Variants in PITPNC1 observed in about 807,000 individuals in gnomAD.
PITPNC1 encodes cytoplasmic phosphatidylinositol transfer protein 1.
PITPNC1 carries 18 observed loss-of-function variants against 44.7 expected under a neutral mutation model. That is an observed-to-expected ratio of 0.40 (90% CI 0.28 to 0.60). The LOEUF (loss-of-function observed/expected upper bound fraction) is 0.60, where lower values mean the gene tolerates loss of function less well. PITPNC1 is among the 20% of genes least tolerant of loss of function. PITPNC1 has a pLI of 0.39. For missense variants in PITPNC1, 290 were observed against 418.4 expected (o/e 0.69, Z 2.68); for synonymous variants, 141 against 149.6 (o/e 0.94, Z 0.42).
chr17:67,632,545 A>G (rs112225824), intron 6 of PITPNC1: 3,099 of 308,206 alleles, frequency 0.01, 96 homozygotes, highest in African/African-American at 0.061. Context: ...CTGAAAAACA[A>G]CAGTCTCCCC....
At chr17:67,657,354 A>C (rs76420131) in intron 6 of PITPNC1, among the ~76,000 whole-genome samples, 13,180 of 152,236 alleles carry the variant, frequency 0.087, 588 homozygotes, top group Middle Eastern at 0.17. Context: ...ACAGCTGTAG[A>C]TATGACACCA....
intron 1 of PITPNC1, among the ~76,000 whole-genome samples, chr17:67,414,648 C>T (rs1377013962): frequency 6.6e-6 from 1 of 152,052 alleles, no homozygotes; most frequent in Non-Finnish European, 1.5e-5. Context: ...GAGTAGTGGC[C>T]ATATGGTGTG....
chr17:67,462,745 C>T (rs2039359410), intron 1 of PITPNC1, among the ~76,000 whole-genome samples: 2 of 141,536 alleles, frequency 1.4e-5, no homozygotes, highest in Non-Finnish European at 1.5e-5. Flanking sequence ...TCTTGTTGCC[C>T]AGGCTGGAGT....
intron 1 of PITPNC1, among the ~76,000 whole-genome samples, chr17:67,406,499 A>C (rs2038403340): frequency 6.6e-6 from 1 of 152,174 alleles, no homozygotes; most frequent in Admixed American, 6.5e-5. Context: ...TCTTTTGCTT[A>C]GCATAATGTT....
At chr17:67,440,828 G>C (rs1024848330) in intron 1 of PITPNC1, among the ~76,000 whole-genome samples, 1 of 151,942 alleles carries the variant, frequency 6.6e-6, no homozygotes, top group African/African-American at 2.4e-5. Context: ...GATTACAGAC[G>C]TGAGCCATCA....
Position 67,472,510 on chromosome 17 carries a change from G to T in PITPNC1, c.49-60292G>T, listed in dbSNP as rs535778862. 6.0e-3 allele frequency among the ~76,000 whole-genome samples: 909 copies of T among 151,714 alleles called. 8 individuals are homozygous for T. Among genetic ancestry groups the T allele is most frequent in the Non-Finnish European group, 7.1e-3 (481 of 67,916 alleles). On this transcript the variant is annotated intron_variant, in intron 1 of 8. Coordinates refer to ENST00000581322, the MANE Select transcript of PITPNC1 (RefSeq NM_012417.4). ...AAAATAGAAAAAATTAGCCGGGCGTGGTGGTGGGCGCCTGTAGTCCCAGCT... is the reference window on the plus strand; with the variant it reads ...AAAATAGAAAAAATTAGCCGGGCGTTGTGGTGGGCGCCTGTAGTCCCAGCT...
In PITPNC1 at chr17:67,514,582, T is replaced by C. The variant is rs562225246; in HGVS notation, c.49-18220T>C. Among the ~76,000 whole-genome samples, 8 of 149,316 alleles carry C rather than the reference T, an allele frequency of 5.4e-5. No homozygotes were observed. The South Asian group carries it at 1.7e-3, about 33-fold the overall frequency. ...GCTTATGCCTGTAATCCCAGCACTT[T>C]GGGAGGCTGAGGCAGACAGATCACC... On this transcript the variant is annotated intron_variant, in intron 1 of 8. Coordinates refer to ENST00000581322, the MANE Select transcript of PITPNC1 (RefSeq NM_012417.4).
intron 1 of PITPNC1, among the ~76,000 whole-genome samples, chr17:67,473,013 C>T (rs1004939608): frequency 1.3e-5 from 2 of 151,234 alleles, no homozygotes; most frequent in Non-Finnish European, 2.9e-5. Context: ...GTAGCTGGGA[C>T]TACAGGTGCG....
intron 1 of PITPNC1, among the ~76,000 whole-genome samples, chr17:67,381,468 CTTTT>C (rs1180701616): frequency 2.2e-5 from 3 of 135,636 alleles, no homozygotes; most frequent in Admixed American, 1.5e-4. Context: ...GTTTCTCTCT[CTTTT>C]TTTTTTTTTT....
intron 6 of PITPNC1, among the ~76,000 whole-genome samples, chr17:67,651,521 A>T (rs557925127): frequency 3.3e-5 from 5 of 150,088 alleles, no homozygotes; most frequent in Non-Finnish European, 7.4e-5. Flanking sequence ...TAAAAAAAAA[A>T]CCCAAAAAAA....
intron 1 of PITPNC1, among the ~76,000 whole-genome samples, chr17:67,430,209 A>C (rs1487354662): frequency 6.6e-6 from 1 of 152,200 alleles, no homozygotes; most frequent in African/African-American, 2.4e-5. Flanking sequence ...CTGTGATTTT[A>C]AAAACTTAGA....
chr17:67,596,915 A>C (rs1459595214), intron 5 of PITPNC1, among the ~76,000 whole-genome samples: 1 of 151,048 alleles, frequency 6.6e-6, no homozygotes, highest in Non-Finnish European at 1.5e-5. Context: ...TCTTTTTGAG[A>C]CAGAGTCTTC....
chr17:67,511,002 T>C (rs1223591348), intron 1 of PITPNC1, among the ~76,000 whole-genome samples: 1 of 152,176 alleles, frequency 6.6e-6, no homozygotes, highest in East Asian at 1.9e-4. Flanking sequence ...TCTTAGGTAA[T>C]TGCCATTAAC....
At chr17:67,421,697 C>T (rs1295667793) in intron 1 of PITPNC1, among the ~76,000 whole-genome samples, 1 of 152,180 alleles carries the variant, frequency 6.6e-6, no homozygotes, top group Non-Finnish European at 1.5e-5. Flanking sequence ...TGGCTGTTCT[C>T]ACATCCAATT....
At chr17:67,446,243 CCTT>C (rs2039092612) in intron 1 of PITPNC1, among the ~76,000 whole-genome samples, 1 of 151,908 alleles carries the variant, frequency 6.6e-6, no homozygotes, top group Non-Finnish European at 1.5e-5. Flanking sequence ...CCACACCCAG[CCTT>C]CTTTGACTGA....
chr17:67,457,560 T>G (rs2039273251), intron 1 of PITPNC1: 1 of 152,408 alleles, frequency 6.6e-6, no homozygotes. Flanking sequence ...CTAATTTTTT[T>G]TGTATTTTTA....
intron 8 of PITPNC1, among the ~76,000 whole-genome samples, chr17:67,678,721 G>A (rs1050119217): frequency 6.6e-6 from 1 of 152,164 alleles, no homozygotes; most frequent in Non-Finnish European, 1.5e-5. Flanking sequence ...GTAATTCTGG[G>A]AACTGTGGGC....
In PITPNC1 at chr17:67,412,755, G is replaced by A. The variant is rs557801761; in HGVS notation, c.48+34553G>A. Among the ~76,000 whole-genome samples the A allele has an allele frequency of 2.0e-5, 3 of 152,090 alleles. No homozygotes were observed. The South Asian group carries it at 6.2e-4, about 32-fold the overall frequency. On this transcript the variant is annotated intron_variant, in intron 1 of 8. Transcript: ENST00000581322. ...CTAATTTAGTATTTTTATTAGAGGC[G>A]GGGTTTCTCCATGTTGTCCAAGCTG...
intron 1 of PITPNC1, among the ~76,000 whole-genome samples, chr17:67,498,893 A>G (rs1320618469): frequency 2.3e-5 from 3 of 131,670 alleles, no homozygotes; most frequent in East Asian, 2.2e-4. Flanking sequence ...TTTTTTTGAG[A>G]TGGAGTCTTG....
Sources: gnomAD v4.1 joint callset for allele counts (sites outside exome capture counted in the v4.1 genomes callset) on GRCh38, gnomAD v4.1.1 for gene constraint, MANE v1.5 for transcripts, NCBI Gene and HGNC (gene_info 2026-07-23, HGNC 2026-07-21) for gene names.